The following NXN variants were observed in gnomAD, a reference collection of about 807,000 sequenced individuals.
NXN encodes nucleoredoxin, also known as nucleoredoxin 1.
In NXN, 16 loss-of-function variants were observed where a neutral mutation model predicts 48.6. The observed-to-expected ratio is 0.33, with a 90% CI of 0.22 to 0.50. The LOEUF is 0.50. Among genes scored for constraint, NXN ranks in the 20% least tolerant of loss-of-function variants. The pLI is 0.98. For synonymous variants in NXN, 281 were observed against 269.6 expected (o/e 1.04, Z -0.41); for missense variants, 492 against 605.5 (o/e 0.81, Z 1.97).
rs2068870612 is a variant in NXN at position 932,990 on chromosome 17, C to T, written c.360+46329G>A. ...CCTGCTCAGTTTCAGTCGTCATGAC[C>T]ACTTGTAATATCCCTTCCCACTAAC... On this transcript the variant is annotated intron_variant, in intron 1 of 7. Transcript: ENST00000336868. The surrounding 1 kb of genome is among the most constrained non-coding windows in gnomAD (Gnocchi z 4.1). Among the ~76,000 whole-genome samples, 1 of 152,104 alleles carries T rather than the reference C, an allele frequency of 6.6e-6. No individual in the cohort carries two copies. Among genetic ancestry groups the T allele is most frequent in the Non-Finnish European group, 1.5e-5 (1 of 68,022 alleles).
intron 1 of NXN, among the ~76,000 whole-genome samples, chr17:879,105 T>C (rs1298561524): frequency 1.3e-5 from 2 of 151,690 alleles, no homozygotes; most frequent in Non-Finnish European, 2.9e-5. Flanking sequence ...GCAGAGGTTT[T>C]AGTGAGCCAA....
At position 807,148 on chromosome 17, in the gene NXN, G is replaced by A. The variant is rs367967316; in HGVS notation, c.821-1901C>T. 1.1e-3 allele frequency among the ~76,000 whole-genome samples: 162 copies of A among 152,282 alleles called. 3 individuals are homozygous for A. The highest frequency in any genetic ancestry group is 3.7e-3 in the African/African-American group (154 of 41,562). On this transcript the variant is annotated intron_variant, in intron 5 of 7. Coordinates refer to ENST00000336868, the MANE Select transcript of NXN (RefSeq NM_022463.5). ...TCCATGAGGCTCGGGGGCTGGTCTC[G>A]AGGCTGCAGCCCAAAGGGAATCCGG...
intron 1 of NXN, among the ~76,000 whole-genome samples, chr17:872,924 C>A (rs2068174860): frequency 3.3e-5 from 5 of 152,084 alleles, no homozygotes. Flanking sequence ...CAGCTGAGAT[C>A]AACATTTGAA....
intron 5 of NXN, 95 bp from the exon 6 acceptor site, chr17:805,342 C>T (rs952287529): frequency 2.8e-5 from 37 of 1,328,536 alleles, no homozygotes; most frequent in South Asian, 1.7e-4. Context: ...TCCCCCCGAC[C>T]GTGGTGGAGC....
intron 1 of NXN, among the ~76,000 whole-genome samples, chr17:902,772 G>C (rs185588703): frequency 6.9e-6 from 1 of 144,994 alleles, no homozygotes; most frequent in East Asian, 2.1e-4. Flanking sequence ...AATGGCCTCT[G>C]CCCATCATTC....
At chr17:847,437 G>C (rs1362580802) in intron 1 of NXN, among the ~76,000 whole-genome samples, 1 of 152,122 alleles carries the variant, frequency 6.6e-6, no homozygotes, top group African/African-American at 2.4e-5. Flanking sequence ...AGTCAGAAGG[G>C]ACCGTTCTGC....
intron 1 of NXN, among the ~76,000 whole-genome samples, chr17:973,094 C>T (rs947400526): frequency 2.0e-5 from 3 of 151,954 alleles, no homozygotes; most frequent in Non-Finnish European, 4.4e-5. Context: ...TGCCTCTGTG[C>T]TCTAGCTCAC....
At chr17:843,235 G>A (rs909796118) in intron 1 of NXN, among the ~76,000 whole-genome samples, 1 of 152,212 alleles carries the variant, frequency 6.6e-6, no homozygotes, top group Non-Finnish European at 1.5e-5. Context: ...TGCTGGCGTG[G>A]GGAGTCCGGT....
rs2069171010 is a variant in NXN, at chr17:956,553, A to T, written c.360+22766T>A. Among the ~76,000 whole-genome samples, 1 of 152,072 alleles carries T rather than the reference A, an allele frequency of 6.6e-6. No homozygotes were observed. The highest frequency in any genetic ancestry group is 2.4e-5 in the African/African-American group (1 of 41,400). On this transcript the variant is annotated intron_variant, in intron 1 of 7. Coordinates refer to ENST00000336868, the MANE Select transcript of NXN (RefSeq NM_022463.5). The surrounding 1 kb of genome is among the most constrained non-coding windows in gnomAD (Gnocchi z 4.1). Reference sequence around the variant, plus strand: ...CTCAGCCTCCCAAGTAGCTGGGACTACAGGCGCCCGCCACCACGTCCGGCT... The same window carrying T: ...CTCAGCCTCCCAAGTAGCTGGGACTTCAGGCGCCCGCCACCACGTCCGGCT...
At chr17:912,399 A>T (rs4968130) in intron 1 of NXN, among the ~76,000 whole-genome samples, 50,696 of 152,022 alleles carry the variant, frequency 0.33, 9,473 homozygotes, top group Admixed American at 0.5. Context: ...ACACATTTTT[A>T]ACTGTGTTAA....
chr17:951,715 C>A (rs1264691984), intron 1 of NXN, among the ~76,000 whole-genome samples: 2 of 152,132 alleles, frequency 1.3e-5, no homozygotes, highest in African/African-American at 2.4e-5. Flanking sequence ...CTGGGCAGGG[C>A]TGGGGGTGGG....
At chr17:826,143 A>G in intron 1 of NXN, 65 bp from the exon 2 acceptor site, 8 of 1,060,122 alleles carry the variant, frequency 7.5e-6, no homozygotes, top group Non-Finnish European at 1.2e-5. Context: ...AGTTCTTTTG[A>G]GCCCCTTAGG....
intron 1 of NXN, among the ~76,000 whole-genome samples, chr17:873,356 G>T (rs1035029197): frequency 6.6e-6 from 1 of 151,910 alleles, no homozygotes; most frequent in African/African-American, 2.4e-5. Context: ...AATTAGCCAG[G>T]TGTGGTGGGG....
intron 5 of NXN, among the ~76,000 whole-genome samples, chr17:809,781 C>A (rs979361535): frequency 1.0e-5 from 1 of 96,708 alleles, no homozygotes; most frequent in East Asian, 3.9e-4. Flanking sequence ...TAAAAACTGC[C>A]GAGCGCACAG....
intron 1 of NXN, among the ~76,000 whole-genome samples, chr17:828,939 G>C (rs1913292809): frequency 6.6e-6 from 1 of 151,872 alleles, no homozygotes; most frequent in South Asian, 2.1e-4. Flanking sequence ...CTGGAAAAAA[G>C]TCGGGAAACA....
intron 1 of NXN, among the ~76,000 whole-genome samples, chr17:854,309 C>T (rs181134502): frequency 6.6e-6 from 1 of 152,130 alleles, no homozygotes; most frequent in African/African-American, 2.4e-5. Flanking sequence ...TTCAGTTAGA[C>T]AGATATAGAA....
In NXN at chr17:801,034, A is replaced by G; in HGVS notation, c.1223T>C (p.Met408Thr). The change falls in exon 8 of 8, where the codon ATG (methionine) becomes ACG (threonine). Residue 408 changes from methionine (M) to threonine (T), a missense_variant. Coordinates refer to ENST00000336868, the MANE Select transcript of NXN (RefSeq NM_022463.5). The part of the protein sequence containing the change: ...LDMSARAKYV[M>T]DVEEITPAIV... ...GGCGGGGGTGATCTCCTCCACGTCCATCACGTACTTGGCCCGGGCTGACAT... is the reference window on the plus strand; with the variant it reads ...GGCGGGGGTGATCTCCTCCACGTCCGTCACGTACTTGGCCCGGGCTGACAT... 10 of 1,574,938 alleles carry G rather than the reference A, an allele frequency of 6.3e-6. No individual in the cohort carries two copies. The highest frequency in any genetic ancestry group is 8.6e-6 in the Non-Finnish European group (10 of 1,159,294).
chr17:918,523 C>T (rs2068713383), intron 1 of NXN, among the ~76,000 whole-genome samples: 1 of 152,102 alleles, frequency 6.6e-6, no homozygotes, highest in Non-Finnish European at 1.5e-5. Context: ...AGGCCGGGCG[C>T]AGTGGCTCAT....
intron 1 of NXN, among the ~76,000 whole-genome samples, chr17:863,625 T>A (rs1421863172): frequency 1.3e-5 from 2 of 152,150 alleles, no homozygotes; most frequent in Non-Finnish European, 2.9e-5. Flanking sequence ...CATGCCCAGA[T>A]AATTTTTAAT....
Sources: gnomAD v4.1 joint callset for allele counts (sites outside exome capture counted in the v4.1 genomes callset) on GRCh38, gnomAD v4.1.1 for gene constraint, Gnocchi (gnomAD v3.1) non-coding constraint, MANE v1.5 for transcripts, NCBI Gene and HGNC (gene_info 2026-07-23, HGNC 2026-07-21) for gene names.